The following KIAA1671 variants were observed in gnomAD, a reference collection of about 807,000 sequenced individuals.
KIAA1671 encodes the protein uncharacterized protein KIAA1671.
KIAA1671 carries 52 observed loss-of-function variants against 131.2 expected under a neutral mutation model. The observed-to-expected ratio is 0.40, with a 90% CI of 0.32 to 0.50. The LOEUF is 0.50. KIAA1671 is among the 20% of genes least tolerant of loss of function. KIAA1671 has a pLI of 0.73. For synonymous variants in KIAA1671, 1,003 were observed against 961.6 expected (o/e 1.04, Z -0.80); for missense variants, 2,360 against 2,364.2 (o/e 1.00, Z 0.04).
At chr22:24,987,346 A>G (rs1923606498) in intron 1 of KIAA1671, among the ~76,000 whole-genome samples, 1 of 150,608 alleles carries the variant, frequency 6.6e-6, no homozygotes, top group Non-Finnish European at 1.5e-5. Flanking sequence ...AATTTTTTGT[A>G]TTTTTCAGTA....
intron 6 of KIAA1671, among the ~76,000 whole-genome samples, chr22:25,098,030 T>C (rs776850709): frequency 3.1e-4 from 47 of 152,202 alleles, no homozygotes; most frequent in Non-Finnish European, 5.7e-4. Flanking sequence ...CTTCTCCCTG[T>C]AGTCCACCCA....
At chr22:25,190,389 A>G (rs1420342889) in intron 11 of KIAA1671, among the ~76,000 whole-genome samples, 1 of 152,190 alleles carries the variant, frequency 6.6e-6, no homozygotes, top group Non-Finnish European at 1.5e-5. Context: ...ATACAGATGA[A>G]GCTTCGCTCA....
chr22:25,156,886 CA>C (rs1933263326), intron 6 of KIAA1671, among the ~76,000 whole-genome samples: 1 of 152,146 alleles, frequency 6.6e-6, no homozygotes, highest in African/African-American at 2.4e-5. Flanking sequence ...GGTCCTCAGT[CA>C]ATAGGGAGAC....
At chr22:25,167,326 C>T (rs974325267) in intron 6 of KIAA1671, among the ~76,000 whole-genome samples, 1 of 152,170 alleles carries the variant, frequency 6.6e-6, no homozygotes, top group Non-Finnish European at 1.5e-5. Context: ...GACTCTATAC[C>T]TAGTAATTTC....
chr22:24,978,537 G>A (rs1923033790), intron 1 of KIAA1671, among the ~76,000 whole-genome samples: 2 of 152,092 alleles, frequency 1.3e-5, no homozygotes, highest in South Asian at 4.2e-4. Flanking sequence ...GTAACTTCAA[G>A]GCTACCTAGC....
Position 25,039,948 on chromosome 22 carries a change from A to G in KIAA1671, c.2818A>G (p.Met940Val). The G allele has an allele frequency of 6.4e-7, 1 of 1,551,434 alleles. No homozygotes were observed. The highest frequency in any genetic ancestry group is 1.2e-5 in the South Asian group (1 of 84,024). The change falls in exon 5 of 13, where the codon ATG becomes GTG. Residue 940 changes from methionine to valine, a missense_variant. Physicochemically the swap from Met to Val is conservative, Grantham distance 21. This residue lies in a region of KIAA1671 where 1,161 missense variants were observed against 1,204.7 expected (regional missense o/e 0.96). Transcript: ENST00000358431. Reference sequence around the variant, plus strand: ...AGTCAGAATGCGGAAAGCCGGCGCCATGGACCAGAGAATGGACAGATGGCG... The same window carrying G: ...AGTCAGAATGCGGAAAGCCGGCGCCGTGGACCAGAGAATGGACAGATGGCG... ...PAVRMRKAGA[M>V]DQRMDRWRRR...
At chr22:25,149,545 C>A (rs1369487362) in intron 6 of KIAA1671, among the ~76,000 whole-genome samples, 1 of 152,168 alleles carries the variant, frequency 6.6e-6, no homozygotes, top group East Asian at 1.9e-4. Flanking sequence ...CATCTTGCCT[C>A]CTCCCTTCTC....
intron 6 of KIAA1671, chr22:25,057,643 ATT>A (rs34386648): frequency 4.5e-3 from 597 of 133,650 alleles, no homozygotes; most frequent in African/African-American, 5.0e-3. Flanking sequence ...TCTGCTGGGC[ATT>A]TTTTTTTTTT....
At position 25,040,099 on chromosome 22, in the gene KIAA1671, C is replaced by T. The variant is rs1926830415; in HGVS notation, c.2969C>T (p.Pro990Leu). Residue 990 changes from proline (P) to leucine (L), a missense_variant, in exon 5 of 13, where the codon CCT becomes CTT. Transcript: ENST00000358431. ...VSPTASALRKPQLSHYRVETQ... is the reference protein window; with the variant it reads ...VSPTASALRKLQLSHYRVETQ... ...CCCACAGCCAGTGCCTTAAGAAAACCTCAACTATCCCACTACAGGGTGGAG... is the reference window on the plus strand; with the variant it reads ...CCCACAGCCAGTGCCTTAAGAAAACTTCAACTATCCCACTACAGGGTGGAG... 6.4e-7 allele frequency: 1 copy of T among 1,551,602 alleles called. No homozygotes were observed. Among genetic ancestry groups the T allele is most frequent in the Non-Finnish European group, 8.7e-7 (1 of 1,147,012 alleles).
intron 6 of KIAA1671, among the ~76,000 whole-genome samples, chr22:25,090,235 C>T (rs539746615): frequency 4.6e-5 from 7 of 152,324 alleles, no homozygotes; most frequent in Non-Finnish European, 7.3e-5. Flanking sequence ...ACTGCTATGC[C>T]GGTCGAGAGA....
chr22:25,033,570 TTTCG>T (rs1926406802), intron 4 of KIAA1671, among the ~76,000 whole-genome samples: 4 of 124,400 alleles, frequency 3.2e-5, no homozygotes, highest in Non-Finnish European at 6.6e-5. Context: ...GTTGGTTTGT[TTTCG>T]TTTTTTTTTT....
Position 25,193,096 on chromosome 22 carries a change from A to G in KIAA1671, c.*695A>G, listed in dbSNP as rs1934721169. 6.6e-6 allele frequency: 1 copy of G among 152,140 alleles called. No individual in the cohort carries two copies. The highest frequency in any genetic ancestry group is 1.5e-5 in the Non-Finnish European group (1 of 68,026). 9.4% of individuals were successfully genotyped at this position (152,140 alleles called of 1,614,324 possible). ...TTAGAAGGCGATAAAGCAATAATTC[A>G]GCTAATTTTCTTTGAAACTTGATAG... On this transcript the variant is annotated 3_prime_UTR_variant, in exon 13 of 13. Transcript: ENST00000358431.
intron 6 of KIAA1671, among the ~76,000 whole-genome samples, chr22:25,095,486 C>T (rs1358940920): frequency 6.6e-6 from 1 of 152,078 alleles, no homozygotes; most frequent in Non-Finnish European, 1.5e-5. Flanking sequence ...CCCATGTCTA[C>T]TAAAAATATA....
intron 6 of KIAA1671, among the ~76,000 whole-genome samples, chr22:25,105,660 T>G (rs1194662304): frequency 2.0e-5 from 3 of 152,224 alleles, no homozygotes; most frequent in Non-Finnish European, 4.4e-5. Flanking sequence ...AGCAGGAATC[T>G]GGCTTTGTAG....
chr22:25,016,020 T>G (rs1223068706), intron 1 of KIAA1671, among the ~76,000 whole-genome samples: 1 of 82,808 alleles, frequency 1.2e-5, no homozygotes, highest in Non-Finnish European at 2.1e-5. Flanking sequence ...GGGCTTCTTT[T>G]TTTTCTTTTT....
rs1202715526 is a variant in KIAA1671 at position 25,055,789 on chromosome 22, G to T, written c.4530+6425G>T. ...ATACATACACACAAACATATATATA[G>T]ATAGATATAGATAGATATAGATATA... On this transcript the variant is annotated intron_variant, in intron 6 of 12. Coordinates refer to ENST00000358431, the MANE Select transcript of KIAA1671 (RefSeq NM_001145206.2). The T allele has an allele frequency of 4.5e-5, 5 of 111,760 alleles. 2 individuals carry two copies. The South Asian group carries it at 1.2e-3, about 28-fold the overall frequency. 6.9% of individuals were successfully genotyped at this position (111,760 alleles called of 1,614,324 possible). A position where few individuals can be genotyped will look rare whatever the true frequency, so the allele number is the denominator to read the frequency against.
At chr22:24,969,204 T>A (rs1350801258) in intron 1 of KIAA1671, among the ~76,000 whole-genome samples, 2 of 152,110 alleles carry the variant, frequency 1.3e-5, no homozygotes, top group Admixed American at 1.3e-4. Flanking sequence ...CCCGGCCTCG[T>A]TTTTGTTGTT....
intron 1 of KIAA1671, among the ~76,000 whole-genome samples, chr22:24,956,798 C>T (rs545847891): frequency 8.5e-4 from 125 of 147,254 alleles, no homozygotes; most frequent in African/African-American, 3.1e-3. Flanking sequence ...CGTGAACTGG[C>T]GAGGCGGAGC....
At chr22:25,183,626 G>C (rs914182282) in intron 10 of KIAA1671, among the ~76,000 whole-genome samples, 2 of 151,726 alleles carry the variant, frequency 1.3e-5, no homozygotes, top group Non-Finnish European at 2.9e-5. Context: ...GGGTTCAAGC[G>C]ATTCTCCTGC....
Sources: allele counts gnomAD v4.1 joint callset (sites outside exome capture counted in the v4.1 genomes callset), GRCh38; gene constraint gnomAD v4.1.1; regional missense constraint gnomAD v4.1.1; transcripts MANE v1.5; gene names NCBI Gene and HGNC (gene_info 2026-07-23, HGNC 2026-07-21).